The following SCYL2 variants were observed in gnomAD, a reference collection of about 807,000 sequenced individuals.
The protein encoded by SCYL2 is SCY1 like pseudokinase 2.
A neutral mutation model predicts 100.4 loss-of-function variants in SCYL2; 36 were observed. The ratio of observed to expected loss-of-function variants is 0.36; its 90% CI spans 0.27 to 0.47. SCYL2 has a LOEUF of 0.47. Among genes scored for constraint, SCYL2 ranks in the 20% least tolerant of loss-of-function variants. The probability of loss-of-function intolerance (pLI) is 1.00; values close to 1 mark genes in which losing one functional copy is unlikely to be tolerated. For missense variants in SCYL2, 902 were observed against 1,083.9 expected, an observed-to-expected ratio of 0.83 and a Z score of 2.36; for synonymous variants, 330 against 359.2, an observed-to-expected ratio of 0.92 and a Z score of 0.92.
chr12:100,306,784 G>A (rs960151346), intron 4 of SCYL2, among the ~76,000 whole-genome samples: 2 of 152,166 alleles, frequency 1.3e-5, no homozygotes, highest in African/African-American at 4.8e-5. Context: ...ATGCTGATAA[G>A]CAACTTCAGC....
chr12:100,274,507 T>C (rs1022855812), intron 1 of SCYL2, among the ~76,000 whole-genome samples: 1 of 152,216 alleles, frequency 6.6e-6, no homozygotes, highest in African/African-American at 2.4e-5. Flanking sequence ...GTTATTAACA[T>C]CTGTCCTGAA....
At chr12:100,333,061 A>G (rs1482134712) in intron 13 of SCYL2, among the ~76,000 whole-genome samples, 3 of 151,072 alleles carry the variant, frequency 2.0e-5, no homozygotes, top group African/African-American at 7.3e-5. Context: ...GGTGTGTTCA[A>G]TTTGTGTGAA....
chr12:100,299,463 C>G (rs921593660), intron 4 of SCYL2, among the ~76,000 whole-genome samples: 1 of 152,188 alleles, frequency 6.6e-6, no homozygotes, highest in Admixed American at 6.5e-5. Flanking sequence ...GATACTGCAT[C>G]TATTTGTAAC....
chr12:100,330,896 T>C (rs1425250514), intron 13 of SCYL2, among the ~76,000 whole-genome samples: 1 of 150,688 alleles, frequency 6.6e-6, no homozygotes, highest in Admixed American at 6.6e-5. Flanking sequence ...TGGAGCAATC[T>C]CATCTCACTG....
intron 1 of SCYL2, among the ~76,000 whole-genome samples, chr12:100,277,975 C>G (rs1482714650): frequency 6.6e-6 from 1 of 152,102 alleles, no homozygotes; most frequent in African/African-American, 2.4e-5. Flanking sequence ...TGTACTGCCT[C>G]AAATATAATG....
chr12:100,289,002 G>A (rs774961336), intron 2 of SCYL2, among the ~76,000 whole-genome samples: 5 of 151,788 alleles, frequency 3.3e-5, no homozygotes, highest in Admixed American at 3.3e-4. Flanking sequence ...CTACCGTGCC[G>A]GCCATAACAC....
intron 2 of SCYL2, among the ~76,000 whole-genome samples, chr12:100,287,065 G>A (rs2096305194): frequency 1.3e-5 from 2 of 152,128 alleles, no homozygotes; most frequent in South Asian, 4.1e-4. Flanking sequence ...AGCCAGTCAT[G>A]GGGGTCCATA....
rs765620857 is a variant in SCYL2, at chr12:100,326,602, C to T, written c.1510-20C>T. ...TTTTGAAAACTTTTAATGACTAATG[C>T]AATTTACCTCTTTTAATAGGTTCGT... On this transcript the variant is annotated intron_variant, in intron 11 of 17. Coordinates refer to ENST00000360820, the MANE Select transcript of SCYL2 (RefSeq NM_017988.6). 1.3e-6 allele frequency: 2 copies of T among 1,548,406 alleles called. No homozygotes were observed. Among genetic ancestry groups the T allele is most frequent in the Admixed American group, 2.1e-5 (1 of 48,108 alleles).
intron 11 of SCYL2, among the ~76,000 whole-genome samples, chr12:100,325,206 G>A (rs941189439): frequency 8.6e-5 from 13 of 151,462 alleles, no homozygotes; most frequent in East Asian, 1.9e-4. Context: ...TCCCCACCCC[G>A]CCCAAAAAAA....
chr12:100,312,999 C>T (rs548200575), intron 6 of SCYL2, among the ~76,000 whole-genome samples: 28 of 152,112 alleles, frequency 1.8e-4, no homozygotes, highest in Middle Eastern at 6.8e-3. Flanking sequence ...GTGGCACATG[C>T]CTGTAGTCCC....
In SCYL2 at chr12:100,334,170, A is replaced by G. The variant is rs755759569; in HGVS notation, c.1766A>G (p.Asn589Ser). 14 of 1,576,306 alleles carry G rather than the reference A, an allele frequency of 8.9e-6. No homozygotes were observed. In the East Asian group the frequency reaches 2.0e-4, roughly 23 times the overall value. ...ATCAATTTCTCATTATACCAGTTCA[A>G]TTCTTTCATTTCCGTCATAAAAGAA... ...IENNLNLNQFNSFISVIKEML... is the reference protein window; with the variant it reads ...IENNLNLNQFSSFISVIKEML... Residue 589 changes from asparagine (N) to serine (S), a missense_variant, in exon 14 of 18, where the codon AAT (asparagine) becomes AGT (serine). Asn to Ser is a conservative substitution (Grantham distance 46). Transcript: ENST00000360820.
chr12:100,317,048 A>T (rs984149598), intron 9 of SCYL2, among the ~76,000 whole-genome samples: 1 of 151,726 alleles, frequency 6.6e-6, no homozygotes, highest in African/African-American at 2.4e-5. Context: ...GTAAGCTATG[A>T]TCGCGCCACT....
At chr12:100,276,659 G>A (rs959118969) in intron 1 of SCYL2, among the ~76,000 whole-genome samples, 1 of 152,082 alleles carries the variant, frequency 6.6e-6, no homozygotes, top group Non-Finnish European at 1.5e-5. Flanking sequence ...GATCAATATA[G>A]CTAGAGTTTT....
intron 14 of SCYL2, 91 bp downstream of exon 14, chr12:100,334,357 T>C (rs2135941298): frequency 2.5e-6 from 2 of 793,518 alleles, no homozygotes; most frequent in East Asian, 2.5e-5. Flanking sequence ...ATAGAAAACT[T>C]GCTGGATTTA....
intron 2 of SCYL2, among the ~76,000 whole-genome samples, chr12:100,290,776 G>A (rs999077964): frequency 1.3e-5 from 2 of 152,150 alleles, no homozygotes; most frequent in Non-Finnish European, 2.9e-5. Flanking sequence ...ACACACATCA[G>A]TAATTTAACA....
intron 6 of SCYL2, among the ~76,000 whole-genome samples, chr12:100,312,955 CAA>C (rs199522049): frequency 6.9e-6 from 1 of 144,522 alleles, no homozygotes. Context: ...CACTTCTCCA[CAA>C]AAAAAAAAAT....
At chr12:100,292,654 C>T (rs1453676694) in intron 3 of SCYL2, among the ~76,000 whole-genome samples, 3 of 152,188 alleles carry the variant, frequency 2.0e-5, no homozygotes, top group Non-Finnish European at 4.4e-5. Flanking sequence ...AAATGTTTTA[C>T]ATTGTTTAAT....
At chr12:100,268,701 A>C (rs1427016720) in intron 1 of SCYL2, among the ~76,000 whole-genome samples, 1 of 152,158 alleles carries the variant, frequency 6.6e-6, no homozygotes, top group African/African-American at 2.4e-5. Flanking sequence ...AGACAGATCA[A>C]CCCTGTTACT....
Position 100,283,077 on chromosome 12 carries a change from G to A in SCYL2, c.107G>A (p.Arg36Gln), listed in dbSNP as rs767876512. The A allele has an allele frequency of 1.6e-5, 26 of 1,613,176 alleles. No individual in the cohort carries two copies. The highest frequency in any genetic ancestry group is 2.2e-5 in the South Asian group (2 of 90,852). Reference sequence around the variant, plus strand: ...GTCACTAGAGAATTTGATGTTGGTCGACACATTGCCAGTGGTGGCAATGGG... The same window carrying A: ...GTCACTAGAGAATTTGATGTTGGTCAACACATTGCCAGTGGTGGCAATGGG... ...NPVTREFDVG[R>Q]HIASGGNGLA... The change falls in exon 2 of 18, where the codon CGA (arginine) becomes CAA (glutamine). Residue 36 changes from arginine to glutamine, a missense_variant. Coordinates refer to ENST00000360820, the MANE Select transcript of SCYL2 (RefSeq NM_017988.6).
Sources: gnomAD v4.1 joint callset for allele counts (sites outside exome capture counted in the v4.1 genomes callset) on GRCh38, gnomAD v4.1.1 for gene constraint, MANE v1.5 for transcripts, NCBI Gene and HGNC (gene_info 2026-07-23, HGNC 2026-07-21) for gene names.